SEZ6L: variants seen among roughly 807,000 people sequenced by gnomAD.
SEZ6L encodes seizure 6-like protein.
In SEZ6L, 37 loss-of-function variants were observed where a neutral mutation model predicts 106.2. That is an observed-to-expected ratio of 0.35 (90% CI 0.27 to 0.46). The LOEUF (loss-of-function observed/expected upper bound fraction) is 0.46, where lower values mean the gene tolerates loss of function less well. SEZ6L is among the 20% of genes least tolerant of loss of function. SEZ6L has a pLI of 1.00. For missense variants in SEZ6L, 1,172 were observed against 1,332.8 expected, an observed-to-expected ratio of 0.88 and a Z score of 1.88; for synonymous variants, 541 against 570.4, an observed-to-expected ratio of 0.95 and a Z score of 0.73.
chr22:26,180,100 A>G (rs1043663071), intron 1 of SEZ6L, among the ~76,000 whole-genome samples: 3 of 152,184 alleles, frequency 2.0e-5, no homozygotes, highest in Non-Finnish European at 4.4e-5. Flanking sequence ...GGTTCTTCAT[A>G]CTTAATCCAG....
chr22:26,278,674 G>A (rs2080635946), intron 1 of SEZ6L, among the ~76,000 whole-genome samples: 1 of 152,036 alleles, frequency 6.6e-6, no homozygotes, highest in Non-Finnish European at 1.5e-5. Context: ...TTCTCTTGTG[G>A]TGGGACCCAG....
chr22:26,324,790 A>G (rs1384170913), intron 9 of SEZ6L, among the ~76,000 whole-genome samples: 1 of 152,234 alleles, frequency 6.6e-6, no homozygotes, highest in Non-Finnish European at 1.5e-5. Flanking sequence ...GCAAATGAGG[A>G]AACTGAGGCC....
chr22:26,313,573 C>G (rs1601468900), intron 8 of SEZ6L, among the ~76,000 whole-genome samples, 191 bp from the exon 9 acceptor site: 1 of 20,090 alleles, frequency 5.0e-5, no homozygotes, highest in Non-Finnish European at 1.0e-4. Flanking sequence ...TTAATCATTA[C>G]ACACACACAC....
chr22:26,342,831 G>C (rs894055392), intron 10 of SEZ6L, among the ~76,000 whole-genome samples: 1 of 152,188 alleles, frequency 6.6e-6, no homozygotes, highest in Non-Finnish European at 1.5e-5. Flanking sequence ...TGTCCTCTCT[G>C]TACCAGCACT....
At chr22:26,334,716 G>A (rs1271870734) in intron 9 of SEZ6L, among the ~76,000 whole-genome samples, 1 of 152,196 alleles carries the variant, frequency 6.6e-6, no homozygotes, top group African/African-American at 2.4e-5. Context: ...TGGATGTAGA[G>A]GGGGAGATGG....
At chr22:26,243,673 G>C (rs2145776100) in intron 1 of SEZ6L, among the ~76,000 whole-genome samples, 1 of 152,288 alleles carries the variant, frequency 6.6e-6, no homozygotes, top group South Asian at 2.1e-4. Flanking sequence ...GTTTTATAAG[G>C]ATCACTCTAG....
At chr22:26,196,977 A>G (rs1345597809) in intron 1 of SEZ6L, among the ~76,000 whole-genome samples, 2 of 152,174 alleles carry the variant, frequency 1.3e-5, no homozygotes, top group African/African-American at 4.8e-5. Context: ...GAAAATCCCT[A>G]TTGTCAGCAA....
In SEZ6L at chr22:26,242,041, C is replaced by T. The variant is rs76459401; in HGVS notation, c.95-50365C>T. Among the ~76,000 whole-genome samples, 32 of 152,290 alleles carry T rather than the reference C, an allele frequency of 2.1e-4. No homozygotes were observed. In the East Asian group the frequency reaches 4.8e-3, roughly 23 times the overall value. On this transcript the variant is annotated intron_variant, in intron 1 of 16. Transcript: ENST00000248933. The stretch of plus-strand genomic sequence containing the variant: ...TGTTAGGGGAGGTGGATGCAGATGC[C>T]GCTACAGGTGTCTCCAGAGCTCAAA...
chr22:26,268,919 G>A (rs902749115), intron 1 of SEZ6L, among the ~76,000 whole-genome samples: 20 of 152,202 alleles, frequency 1.3e-4, no homozygotes, highest in African/African-American at 4.3e-4. Flanking sequence ...TTTACCCAAC[G>A]TGAGGGCTTT....
chr22:26,347,195 AAAT>A (rs1417207231), intron 10 of SEZ6L, among the ~76,000 whole-genome samples: 3 of 132,182 alleles, frequency 2.3e-5, no homozygotes, highest in African/African-American at 9.0e-5. Context: ...CTGCCTGTAA[AAAT>A]AATGATGATG....
At chr22:26,173,946 T>A (rs1404408504) in intron 1 of SEZ6L, among the ~76,000 whole-genome samples, 2 of 152,184 alleles carry the variant, frequency 1.3e-5, no homozygotes, top group Non-Finnish European at 2.9e-5. Flanking sequence ...CAAATGTCAT[T>A]ACATTGGTGA....
Position 26,380,355 on chromosome 22 carries a change from A to G in SEZ6L, c.*60A>G. The G allele has an allele frequency of 7.1e-7, 1 of 1,412,056 alleles. No individual in the cohort carries two copies. Among genetic ancestry groups the G allele is most frequent in the South Asian group, 1.2e-5 (1 of 85,778 alleles). The allele number at this position is 1,412,056 out of a possible 1,614,324, so 87.5% of individuals were successfully genotyped here. On this transcript the variant is annotated 3_prime_UTR_variant, in exon 17 of 17. Transcript: ENST00000248933. ...CAACCACAATCTCCTCGAGACATTC[A>G]TCCAGAGACCATGTGGCACTTGATT...
intron 1 of SEZ6L, among the ~76,000 whole-genome samples, chr22:26,184,049 G>A (rs1939598449): frequency 6.6e-6 from 1 of 152,168 alleles, no homozygotes; most frequent in Non-Finnish European, 1.5e-5. Context: ...CTCCACCATG[G>A]AACAGTGCCT....
chr22:26,330,339 T>C (rs1303191268), intron 9 of SEZ6L, among the ~76,000 whole-genome samples: 1 of 151,856 alleles, frequency 6.6e-6, no homozygotes, highest in Non-Finnish European at 1.5e-5. Flanking sequence ...GTGTGAAGAG[T>C]CGTACTTACA....
At chr22:26,344,854 C>T (rs977042126) in intron 10 of SEZ6L, among the ~76,000 whole-genome samples, 2 of 152,176 alleles carry the variant, frequency 1.3e-5, no homozygotes. Flanking sequence ...CAAATGAGAA[C>T]AATGAGGCTT....
chr22:26,340,078 CA>C (rs375805143), intron 9 of SEZ6L, among the ~76,000 whole-genome samples: 6 of 151,870 alleles, frequency 4.0e-5, no homozygotes, highest in African/African-American at 1.4e-4. Flanking sequence ...CTACTAAATA[CA>C]AAAAAAATTA....
rs116874511 is a variant in SEZ6L at position 26,247,004 on chromosome 22, T to C, written c.95-45402T>C. On this transcript the variant is annotated intron_variant, in intron 1 of 16. Coordinates refer to ENST00000248933, the MANE Select transcript of SEZ6L (RefSeq NM_021115.5). ...ACGTGCTTTGCAGACTCTAGAAGGCTTTGCAAATATCAAGGGTGTGCTATT... is the reference window on the plus strand; with the variant it reads ...ACGTGCTTTGCAGACTCTAGAAGGCCTTGCAAATATCAAGGGTGTGCTATT... 8.5e-5 allele frequency among the ~76,000 whole-genome samples: 13 copies of C among 152,316 alleles called. No individual in the cohort carries two copies. The East Asian group carries it at 1.4e-3, about 16-fold the overall frequency.
At chr22:26,334,314 C>G (rs1156604680) in intron 9 of SEZ6L, among the ~76,000 whole-genome samples, 1 of 152,142 alleles carries the variant, frequency 6.6e-6, no homozygotes, top group African/African-American at 2.4e-5. Context: ...TGATAACCAC[C>G]CATCTGCCTT....
At chr22:26,319,551 C>T (rs535011893) in intron 9 of SEZ6L, among the ~76,000 whole-genome samples, 1 of 152,316 alleles carries the variant, frequency 6.6e-6, no homozygotes, top group African/African-American at 2.4e-5. Context: ...CACACGCATA[C>T]CTCAGGGCCT....
Sources: gnomAD v4.1 joint callset for allele counts (sites outside exome capture counted in the v4.1 genomes callset) on GRCh38, gnomAD v4.1.1 for gene constraint, MANE v1.5 for transcripts, NCBI Gene and HGNC (gene_info 2026-07-23, HGNC 2026-07-21) for gene names.